DYRK1A: variants seen among roughly 807,000 people sequenced by gnomAD.
DYRK1A encodes dual specificity tyrosine phosphorylation regulated kinase 1A, also known as dual specificity tyrosine-phosphorylation-regulated kinase 1A.
In DYRK1A, 9 loss-of-function variants were observed where a neutral mutation model predicts 79.7. That is an observed-to-expected ratio of 0.11 (90% CI 0.07 to 0.20). DYRK1A has a LOEUF of 0.20. DYRK1A is among the 10% of genes least tolerant of loss of function. DYRK1A has a pLI of 1.00. For synonymous variants in DYRK1A, 349 were observed against 329.7 expected (o/e 1.06, Z -0.63); for missense variants, 622 against 956.0 (o/e 0.65, Z 4.61).
chr21:37,398,441 T>A (rs2049997977), intron 1 of DYRK1A, among the ~76,000 whole-genome samples: 1 of 152,188 alleles, frequency 6.6e-6, no homozygotes, highest in Non-Finnish European at 1.5e-5. Flanking sequence ...GTAAGTGCTA[T>A]TATCTCCATT....
intron 1 of DYRK1A, among the ~76,000 whole-genome samples, chr21:37,376,275 C>G (rs938464634): frequency 6.6e-6 from 1 of 152,054 alleles, no homozygotes; most frequent in African/African-American, 2.4e-5. Context: ...TTTGGGAGGC[C>G]AAGGCGAGTG....
intron 1 of DYRK1A, among the ~76,000 whole-genome samples, chr21:37,414,040 G>A (rs957836186): frequency 1.3e-5 from 2 of 151,982 alleles, no homozygotes; most frequent in African/African-American, 4.8e-5. Context: ...AAATGATGAT[G>A]CAAATATAAA....
intron 2 of DYRK1A, among the ~76,000 whole-genome samples, chr21:37,468,482 G>A (rs1252623973): frequency 2.0e-5 from 3 of 152,164 alleles, no homozygotes; most frequent in Non-Finnish European, 4.4e-5. Flanking sequence ...AATTTAGGTA[G>A]TGTCCAGTTC....
chr21:37,421,599 G>A (rs2050478310), intron 2 of DYRK1A, among the ~76,000 whole-genome samples: 1 of 152,098 alleles, frequency 6.6e-6, no homozygotes, highest in Non-Finnish European at 1.5e-5. Context: ...CATATTAGAA[G>A]TATGCCAGGT....
chr21:37,368,276 T>G (rs1441262825), intron 1 of DYRK1A: 2 of 152,192 alleles, frequency 1.3e-5, no homozygotes, highest in African/African-American at 4.8e-5. Context: ...GGGGAGTTGG[T>G]GGCTGAGGAG....
intron 2 of DYRK1A, among the ~76,000 whole-genome samples, chr21:37,453,927 A>C (rs1004988491): frequency 8.5e-5 from 13 of 152,156 alleles, no homozygotes; most frequent in African/African-American, 2.4e-4. Flanking sequence ...TGATTTACTG[A>C]ATCTGATTTT....
At chr21:37,506,490 A>C in intron 11 of DYRK1A, 1 of 988,022 alleles carries the variant, frequency 1.0e-6, no homozygotes, top group Non-Finnish European at 1.4e-6. Context: ...TTACCAAAGC[A>C]GCGTTTTGAG....
chr21:37,460,447 G>A (rs1294159553), intron 2 of DYRK1A, among the ~76,000 whole-genome samples: 1 of 152,098 alleles, frequency 6.6e-6, no homozygotes, highest in Non-Finnish European at 1.5e-5. Flanking sequence ...GGAGACTTTG[G>A]CCTCTAATCC....
chr21:37,433,797 T>G (rs2050844757), intron 2 of DYRK1A, among the ~76,000 whole-genome samples: 4 of 152,232 alleles, frequency 2.6e-5, no homozygotes, highest in Admixed American at 2.6e-4. Context: ...GAGACATTGA[T>G]GTGTGACTAA....
intron 6 of DYRK1A, chr21:37,488,719 A>G (rs952822451): frequency 2.0e-6 from 2 of 985,400 alleles, no homozygotes; most frequent in South Asian, 4.7e-5. Flanking sequence ...TAGATCTTTC[A>G]TTGGACGAAC....
At chr21:37,383,837 A>ATGTGTGTGTGTGTGTG (rs112549944) in intron 1 of DYRK1A, among the ~76,000 whole-genome samples, 1 of 148,482 alleles carries the variant, frequency 6.7e-6, no homozygotes, top group East Asian at 2.0e-4. Context: ...GTAATGGTGT[A>ATGTGTGTGTGTGTGTG]TGTGTGTGTG....
At position 37,468,083 on chromosome 21, in the gene DYRK1A, G is replaced by A. The variant is rs532517169; in HGVS notation, c.11-4601G>A. Among the ~76,000 whole-genome samples the A allele has an allele frequency of 1.1e-4, 16 of 152,188 alleles. No individual in the cohort carries two copies. The South Asian group carries it at 3.3e-3, about 32-fold the overall frequency. On this transcript the variant is annotated intron_variant, in intron 2 of 11. Transcript: ENST00000647188. ...TTGGTGGATTTGATGAGGTGAATCAGGAACTTACATGGAATAGCCAAACTT... is the reference window on the plus strand; with the variant it reads ...TTGGTGGATTTGATGAGGTGAATCAAGAACTTACATGGAATAGCCAAACTT...
chr21:37,499,434 T>C (rs1298704686), intron 9 of DYRK1A, among the ~76,000 whole-genome samples: 1 of 152,210 alleles, frequency 6.6e-6, no homozygotes, highest in Non-Finnish European at 1.5e-5. Context: ...TATGGATTTT[T>C]AGAATCAGCT....
At chr21:37,390,185 TATGTCTTTG>T (rs1227618238) in intron 1 of DYRK1A, among the ~76,000 whole-genome samples, 1 of 152,162 alleles carries the variant, frequency 6.6e-6, no homozygotes, top group Non-Finnish European at 1.5e-5. Context: ...CCCCAGAGAA[TATGTCTTTG>T]ATGTCTTTGG....
intron 2 of DYRK1A, among the ~76,000 whole-genome samples, chr21:37,429,638 C>T (rs538247108): frequency 6.6e-6 from 1 of 152,136 alleles, no homozygotes; most frequent in East Asian, 1.9e-4. Context: ...TTCAAGAGGC[C>T]TCTCCTCCAA....
chr21:37,439,324 G>A (rs1044568593), intron 2 of DYRK1A, among the ~76,000 whole-genome samples: 21 of 152,120 alleles, frequency 1.4e-4, no homozygotes, highest in African/African-American at 4.1e-4. Context: ...TATGGAATGT[G>A]GAATATATAT....
intron 1 of DYRK1A, among the ~76,000 whole-genome samples, chr21:37,400,328 C>T (rs1434333449): frequency 2.0e-5 from 3 of 152,104 alleles, no homozygotes; most frequent in Non-Finnish European, 2.9e-5. Context: ...ACCTGTTTTT[C>T]CCCCAAATCA....
rs1569304733 is a variant in DYRK1A at position 37,417,547 on chromosome 21, T to TTTC, written c.-76-2750_-76-2749insCTT. Reference sequence around the variant, plus strand: ...TCTTTTTCTTTTTTTTTTTTTTTTTTTTTTTTTACAAATCTTGGTGTATCA... The same window carrying TTTC: ...TCTTTTTCTTTTTTTTTTTTTTTTTTTTCTTTTTTTACAAATCTTGGTGTATCA... On this transcript the variant is annotated intron_variant, in intron 1 of 11. Transcript: ENST00000647188. Among the ~76,000 whole-genome samples the TTTC allele has an allele frequency of 1.3e-4, 9 of 71,328 alleles. No homozygotes were observed. The East Asian group carries it at 2.7e-3, about 22-fold the overall frequency. The allele number at this position is 71,328 out of a possible 152,430, so 46.8% of individuals were successfully genotyped here.
chr21:37,491,277 T>C (rs1250090271), intron 7 of DYRK1A, among the ~76,000 whole-genome samples: 1 of 152,208 alleles, frequency 6.6e-6, no homozygotes, highest in Non-Finnish European at 1.5e-5. Context: ...CATTGTTTTA[T>C]GTATAAAATA....
Sources: gnomAD v4.1 joint callset for allele counts (sites outside exome capture counted in the v4.1 genomes callset) on GRCh38, gnomAD v4.1.1 for gene constraint, MANE v1.5 for transcripts, NCBI Gene and HGNC (gene_info 2026-07-23, HGNC 2026-07-21) for gene names.